The following CNTNAP5 variants were observed in gnomAD, a reference collection of about 807,000 sequenced individuals.
CNTNAP5 encodes the protein contactin-associated protein-like 5.
In CNTNAP5, 72 loss-of-function variants were observed where a neutral mutation model predicts 150.2. The ratio of observed to expected loss-of-function variants is 0.48; its 90% CI spans 0.40 to 0.58. The LOEUF (loss-of-function observed/expected upper bound fraction) is 0.58. Among genes scored for constraint, CNTNAP5 ranks in the 20% least tolerant of loss-of-function variants. The pLI is 0.00. For missense variants in CNTNAP5, 1,636 were observed against 1,626.2 expected (o/e 1.01, Z -0.10); for synonymous variants, 672 against 619.8 (o/e 1.08, Z -1.25).
At chr2:124,680,169 C>G (rs1221174702) in intron 13 of CNTNAP5, among the ~76,000 whole-genome samples, 30 of 151,840 alleles carry the variant, frequency 2.0e-4, no homozygotes, top group Non-Finnish European at 1.0e-4. Flanking sequence ...AACCAGATTC[C>G]TCTTTATCCC....
At chr2:124,640,170 C>G (rs1324512946) in intron 12 of CNTNAP5, among the ~76,000 whole-genome samples, 1 of 152,134 alleles carries the variant, frequency 6.6e-6, no homozygotes, top group East Asian at 1.9e-4. Context: ...ATACAGTGCA[C>G]ATAGAATCCG....
At chr2:124,555,478 T>G (rs1320868022) in intron 10 of CNTNAP5, among the ~76,000 whole-genome samples, 1 of 152,216 alleles carries the variant, frequency 6.6e-6, no homozygotes, top group Non-Finnish European at 1.5e-5. Context: ...AGACCAAATA[T>G]GAATCCTCAA....
At chr2:124,384,728 G>A (rs1273833369) in intron 3 of CNTNAP5, among the ~76,000 whole-genome samples, 8 of 152,170 alleles carry the variant, frequency 5.3e-5, no homozygotes, top group African/African-American at 1.9e-4. Flanking sequence ...GTAGGCAAAC[G>A]TGAAATAAAC....
chr2:124,848,629 G>T (rs904902491), intron 19 of CNTNAP5, among the ~76,000 whole-genome samples: 1 of 151,982 alleles, frequency 6.6e-6, no homozygotes, highest in African/African-American at 2.4e-5. Context: ...AGTGTACAAG[G>T]GTTCGCTTTT....
intron 3 of CNTNAP5, among the ~76,000 whole-genome samples, chr2:124,296,263 G>A (rs1688429191): frequency 6.6e-6 from 1 of 152,198 alleles, no homozygotes; most frequent in African/African-American, 2.4e-5. Context: ...TCTCAGGTCT[G>A]TGATTGGGTG....
chr2:124,438,971 A>T (rs1281036127), intron 5 of CNTNAP5, among the ~76,000 whole-genome samples: 1 of 152,220 alleles, frequency 6.6e-6, no homozygotes, highest in East Asian at 1.9e-4. Context: ...TAGATATGGG[A>T]TTATAACCTT....
chr2:124,627,482 G>T (rs1322843096), intron 12 of CNTNAP5, among the ~76,000 whole-genome samples: 2 of 142,676 alleles, frequency 1.4e-5, no homozygotes, highest in East Asian at 2.0e-4. Flanking sequence ...CAGAAGAAAG[G>T]CCTGTTAGAA....
At chr2:124,633,100 C>T (rs79120921) in intron 12 of CNTNAP5, among the ~76,000 whole-genome samples, 1 of 152,098 alleles carries the variant, frequency 6.6e-6, no homozygotes, top group Non-Finnish European at 1.5e-5. Context: ...AGCTCCAAAT[C>T]AAATAATTCT....
chr2:124,312,435 G>A (rs189242464), intron 3 of CNTNAP5, among the ~76,000 whole-genome samples: 2 of 151,894 alleles, frequency 1.3e-5, no homozygotes, highest in Non-Finnish European at 2.9e-5. Flanking sequence ...TGCAACCTCC[G>A]CACCACTCCC....
intron 2 of CNTNAP5, among the ~76,000 whole-genome samples, chr2:124,227,299 G>A (rs1686484512): frequency 6.6e-6 from 1 of 151,954 alleles, no homozygotes; most frequent in Non-Finnish European, 1.5e-5. Context: ...GCTTTATATA[G>A]CCTCATTCTA....
At chr2:124,633,890 A>G (rs1390948629) in intron 12 of CNTNAP5, among the ~76,000 whole-genome samples, 3 of 152,152 alleles carry the variant, frequency 2.0e-5, no homozygotes, top group African/African-American at 7.2e-5. Flanking sequence ...CTCAAGCTAT[A>G]TCTGGGTCCC....
At chr2:124,042,552 G>A (rs1270788367) in intron 1 of CNTNAP5, among the ~76,000 whole-genome samples, 1 of 152,160 alleles carries the variant, frequency 6.6e-6, no homozygotes, top group Non-Finnish European at 1.5e-5. Context: ...CTTGGGGTAC[G>A]TATCCTGGAC....
intron 22 of CNTNAP5, among the ~76,000 whole-genome samples, chr2:124,903,521 T>G (rs2104760446): frequency 6.6e-6 from 1 of 152,280 alleles, no homozygotes; most frequent in Non-Finnish European, 1.5e-5. Flanking sequence ...TATTAAGAAA[T>G]AATTGACAAA....
intron 13 of CNTNAP5, among the ~76,000 whole-genome samples, chr2:124,735,059 G>T (rs377115405): frequency 6.6e-6 from 1 of 152,140 alleles, no homozygotes; most frequent in African/African-American, 2.4e-5. Flanking sequence ...GTATGGCTGT[G>T]TGATATCCAT....
At position 124,271,783 on chromosome 2, in the gene CNTNAP5, C is replaced by T. The variant is rs144742487; in HGVS notation, c.381+29390C>T. Among the ~76,000 whole-genome samples the T allele has an allele frequency of 8.5e-4, 129 of 152,012 alleles. 2 individuals carry two copies. In the East Asian group the frequency reaches 0.023, roughly 27 times the overall value. On this transcript the variant is annotated intron_variant, in intron 3 of 23. Coordinates refer to ENST00000682447, the MANE Select transcript of CNTNAP5 (RefSeq NM_001367498.1). ...AGGCTGTAGTGCATTGGCACGATCT[C>T]GGCTCACCGCAACCTCCACCTCCCA...
Position 124,487,644 on chromosome 2 carries a change from T to C in CNTNAP5, c.1062+12762T>C, listed in dbSNP as rs187622851. The stretch of plus-strand genomic sequence containing the variant: ...CCCATACACACGGAATGAGCTTGCC[T>C]AGAAGCTCATTTCATGTGCATGGGC... On this transcript the variant is annotated intron_variant, in intron 7 of 23. Transcript: ENST00000682447. 4.3e-4 allele frequency among the ~76,000 whole-genome samples: 66 copies of C among 152,050 alleles called. 1 individual carries two copies. In the East Asian group the frequency reaches 0.011, roughly 26 times the overall value.
intron 3 of CNTNAP5, among the ~76,000 whole-genome samples, chr2:124,274,324 T>C (rs1322541194): frequency 6.6e-6 from 1 of 152,184 alleles, no homozygotes. Context: ...TACACTTTAA[T>C]TTTCTAACAC....
At chr2:124,139,771 T>C (rs1409142320) in intron 1 of CNTNAP5, among the ~76,000 whole-genome samples, 3 of 152,138 alleles carry the variant, frequency 2.0e-5, no homozygotes, top group Non-Finnish European at 2.9e-5. Flanking sequence ...TTTTAAAATA[T>C]ATTTGAGGAA....
chr2:124,504,319 C>G lies in CNTNAP5; in HGVS notation c.1090C>G (p.Pro364Ala), dbSNP rs755210149. 1 of 1,613,658 alleles carries G rather than the reference C, an allele frequency of 6.2e-7. No homozygotes were observed. The highest frequency in any genetic ancestry group is 2.2e-5 in the East Asian group (1 of 44,870). The change falls in exon 8 of 24, where the codon CCA becomes GCA. Residue 364 changes from proline to alanine, a missense_variant. Coordinates refer to ENST00000682447, the MANE Select transcript of CNTNAP5 (RefSeq NM_001367498.1). ...CAATGTCACTTTTTCCTGCTCCGAA[C>G]CACAGATTGTGCCCATCACATTTGT... ...VGNVTFSCSE[P>A]QIVPITFVNS...
Sources: gnomAD v4.1 joint callset for allele counts (sites outside exome capture counted in the v4.1 genomes callset) on GRCh38, gnomAD v4.1.1 for gene constraint, MANE v1.5 for transcripts, NCBI Gene and HGNC (gene_info 2026-07-23, HGNC 2026-07-21) for gene names.